EXOC4: variants seen among roughly 807,000 people sequenced by gnomAD.
EXOC4 encodes SEC8-like 1.
A neutral mutation model predicts 107.2 loss-of-function variants in EXOC4; 71 were observed. The ratio of observed to expected loss-of-function variants is 0.66; its 90% CI spans 0.55 to 0.81. EXOC4 has a LOEUF of 0.81. EXOC4 is among the 30% of genes least tolerant of loss of function. The pLI is 0.00. For missense variants in EXOC4, 1,108 were observed against 1,189.6 expected (o/e 0.93, Z 1.01); for synonymous variants, 456 against 441.2 (o/e 1.03, Z -0.42).
At chr7:133,527,786 C>A (rs369698354) in intron 9 of EXOC4, among the ~76,000 whole-genome samples, 1 of 152,122 alleles carries the variant, frequency 6.6e-6, no homozygotes. Flanking sequence ...AAACAGTCAT[C>A]AGTATTCCCA....
At chr7:133,334,682 A>G (rs566201349) in intron 5 of EXOC4, among the ~76,000 whole-genome samples, 1 of 151,856 alleles carries the variant, frequency 6.6e-6, no homozygotes, top group African/African-American at 2.4e-5. Context: ...CCCACTAGTT[A>G]TTTTTTCTGA....
intron 10 of EXOC4, among the ~76,000 whole-genome samples, chr7:133,744,152 G>T (rs1404858142): frequency 2.6e-5 from 4 of 152,014 alleles, no homozygotes; most frequent in Non-Finnish European, 5.9e-5. Context: ...AAAAAATGTG[G>T]AAGAGAATTA....
At chr7:133,895,894 G>A (rs1264613326) in intron 12 of EXOC4, among the ~76,000 whole-genome samples, 159 bp downstream of exon 12, 6 of 152,178 alleles carry the variant, frequency 3.9e-5, no homozygotes, top group Non-Finnish European at 7.4e-5. Context: ...AGACCTTTGT[G>A]TAGTCAGACC....
intron 13 of EXOC4, among the ~76,000 whole-genome samples, chr7:133,936,512 G>T (rs1030545511): frequency 6.6e-6 from 1 of 152,182 alleles, no homozygotes; most frequent in African/African-American, 2.4e-5. Context: ...AGGTGTGTGA[G>T]ATTTTAAAAG....
At chr7:133,384,377 G>A (rs1373565342) in intron 7 of EXOC4, among the ~76,000 whole-genome samples, 1 of 152,066 alleles carries the variant, frequency 6.6e-6, no homozygotes, top group Non-Finnish European at 1.5e-5. Context: ...CTCCCTCACT[G>A]CCTCCAAAGC....
intron 11 of EXOC4, among the ~76,000 whole-genome samples, chr7:133,848,428 A>C (rs1798177526): frequency 6.6e-6 from 1 of 152,220 alleles, no homozygotes; most frequent in Admixed American, 6.5e-5. Context: ...AAGGGACATC[A>C]TATTATGACT....
chr7:133,310,199 A>G (rs1157621724), intron 4 of EXOC4, among the ~76,000 whole-genome samples: 1 of 152,224 alleles, frequency 6.6e-6, no homozygotes, highest in Non-Finnish European at 1.5e-5. Flanking sequence ...ATTCTCTATT[A>G]CAAAGGATAT....
intron 10 of EXOC4, among the ~76,000 whole-genome samples, chr7:133,778,338 T>C (rs1333063060): frequency 6.6e-6 from 1 of 152,220 alleles, no homozygotes; most frequent in Non-Finnish European, 1.5e-5. Context: ...GTCACACCTA[T>C]AATCGAAGAC....
intron 3 of EXOC4, among the ~76,000 whole-genome samples, chr7:133,303,171 A>G (rs1167054381): frequency 2.0e-5 from 3 of 152,234 alleles, no homozygotes; most frequent in Admixed American, 1.3e-4. Context: ...GCAGTGGCTC[A>G]TGCCTGTAAT....
intron 6 of EXOC4, among the ~76,000 whole-genome samples, chr7:133,359,790 A>G (rs1796099005): frequency 6.6e-6 from 1 of 152,188 alleles, no homozygotes; most frequent in African/African-American, 2.4e-5. Flanking sequence ...TCTTGCTTTT[A>G]ATTCCTACAG....
chr7:134,039,132 A>T (rs1265933128), intron 17 of EXOC4, among the ~76,000 whole-genome samples: 2 of 152,190 alleles, frequency 1.3e-5, no homozygotes, highest in East Asian at 3.9e-4. Flanking sequence ...TGGGTGAAAG[A>T]TTGCTATATG....
chr7:133,690,917 C>T (rs537764220), intron 10 of EXOC4, among the ~76,000 whole-genome samples: 42 of 152,264 alleles, frequency 2.8e-4, no homozygotes, highest in African/African-American at 9.6e-4. Flanking sequence ...CAGGTGCCGA[C>T]TCCTCATCTT....
intron 10 of EXOC4, among the ~76,000 whole-genome samples, chr7:133,774,525 G>A (rs780194794): frequency 2.6e-5 from 4 of 152,100 alleles, no homozygotes; most frequent in Non-Finnish European, 4.4e-5. Flanking sequence ...TGCCATCGTC[G>A]TTTAACTCAA....
intron 10 of EXOC4, among the ~76,000 whole-genome samples, chr7:133,722,240 T>G (rs1166758780): frequency 6.6e-6 from 1 of 152,216 alleles, no homozygotes; most frequent in African/African-American, 2.4e-5. Flanking sequence ...TGGAAATCTA[T>G]TGATAATGCA....
At chr7:133,478,543 T>C (rs556720079) in intron 8 of EXOC4, among the ~76,000 whole-genome samples, 4 of 152,248 alleles carry the variant, frequency 2.6e-5, no homozygotes, top group African/African-American at 9.6e-5. Flanking sequence ...AGTGCCTCTT[T>C]TACTGCAAAA....
intron 14 of EXOC4, among the ~76,000 whole-genome samples, chr7:133,984,410 A>G (rs576656123): frequency 6.6e-6 from 1 of 152,280 alleles, no homozygotes; most frequent in African/African-American, 2.4e-5. Context: ...AGACGCTCAT[A>G]TCCTTCCTGG....
intron 17 of EXOC4, among the ~76,000 whole-genome samples, chr7:134,030,758 A>G (rs989613073): frequency 2.9e-5 from 4 of 139,168 alleles, no homozygotes; most frequent in African/African-American, 2.6e-5. Context: ...TGGAGAGAGT[A>G]AACAAATTTA....
chr7:133,895,836 T>C (rs1799295270), intron 12 of EXOC4, 101 bp downstream of exon 12: 2 of 1,297,186 alleles, frequency 1.5e-6, no homozygotes, highest in Non-Finnish European at 2.1e-6. Flanking sequence ...AAGGATCATC[T>C]CTGAGTTTGT....
chr7:133,769,329 A>T (rs1466332338), intron 10 of EXOC4, among the ~76,000 whole-genome samples: 1 of 151,886 alleles, frequency 6.6e-6, no homozygotes, highest in African/African-American at 2.4e-5. Flanking sequence ...AAAGAAGGCA[A>T]ATGTTGGTGT....
Sources: gnomAD v4.1 joint callset for allele counts (sites outside exome capture counted in the v4.1 genomes callset) on GRCh38, gnomAD v4.1.1 for gene constraint, MANE v1.5 for transcripts, NCBI Gene and HGNC (gene_info 2026-07-23, HGNC 2026-07-21) for gene names.